Variants in GTF2H5 observed in about 807,000 individuals in gnomAD.
GTF2H5 encodes general transcription factor IIH subunit 5, also known as TFB5 ortholog.
In GTF2H5, 5 loss-of-function variants were observed where a neutral mutation model predicts 7.1. The observed-to-expected ratio is 0.71, with a 90% CI of 0.37 to 1.49. GTF2H5 has a LOEUF of 1.49. GTF2H5 is among the 40% of genes most tolerant of loss of function. The pLI is 0.03. For missense variants in GTF2H5, 80 were observed against 83.0 expected (o/e 0.96, Z 0.14); for synonymous variants, 30 against 31.7 (o/e 0.95, Z 0.18).
In GTF2H5 at chr6:158,192,212, C is replaced by G; in HGVS notation, c.*55C>G. 2 of 1,354,506 alleles carry G rather than the reference C, an allele frequency of 1.5e-6. No individual in the cohort carries two copies. Among genetic ancestry groups the G allele is most frequent in the Non-Finnish European group, 2.1e-6 (2 of 947,832 alleles). The allele number at this position is 1,354,506 out of a possible 1,614,324, so 83.9% of individuals were successfully genotyped here. A position where few individuals can be genotyped will look rare whatever the true frequency, so the allele number is the denominator to read the frequency against. ...ATAAGCAGCAACTGTGAAAGACTTG[C>G]CACTCAATATCTTAGGTGACTGATT... On this transcript the variant is annotated 3_prime_UTR_variant, in exon 3 of 3. Coordinates refer to ENST00000607778, the MANE Select transcript of GTF2H5 (RefSeq NM_207118.3).
At chr6:158,168,735 G>A (rs1393214505) in intron 1 of GTF2H5, among the ~76,000 whole-genome samples, 16 of 152,260 alleles carry the variant, frequency 1.1e-4, no homozygotes, top group Admixed American at 7.2e-4. Context: ...TGGAGATCTG[G>A]CTTGTACTTT....
intron 2 of GTF2H5, among the ~76,000 whole-genome samples, chr6:158,187,799 C>T (rs541142811): frequency 1.3e-5 from 2 of 152,204 alleles, no homozygotes; most frequent in South Asian, 2.1e-4. Context: ...ATTTCCTGAC[C>T]TCGTGATCCG....
At chr6:158,183,223 A>G (rs1786033522) in intron 2 of GTF2H5, among the ~76,000 whole-genome samples, 1 of 152,060 alleles carries the variant, frequency 6.6e-6, no homozygotes, top group Admixed American at 6.6e-5. Flanking sequence ...CAGAACAGTA[A>G]ATATTGCTGC....
chr6:158,180,713 T>A (rs1306947105), intron 2 of GTF2H5, among the ~76,000 whole-genome samples: 1 of 152,202 alleles, frequency 6.6e-6, no homozygotes, highest in Non-Finnish European at 1.5e-5. Context: ...CGGGTTGATA[T>A]CCCCTTTATC....
intron 2 of GTF2H5, among the ~76,000 whole-genome samples, chr6:158,177,504 C>G (rs1028722986): frequency 1.3e-5 from 2 of 152,162 alleles, no homozygotes; most frequent in African/African-American, 4.8e-5. Context: ...GAATTGACAT[C>G]AGGGATAAGG....
Position 158,192,322 on chromosome 6 carries a change from G to T in GTF2H5, c.*165G>T. The T allele has an allele frequency of 5.2e-6, 3 of 575,870 alleles. No homozygotes were observed. The highest frequency in any genetic ancestry group is 3.1e-5 in the Admixed American group (1 of 31,912). 35.7% of individuals were successfully genotyped at this position (575,870 alleles called of 1,614,324 possible). A position where few individuals can be genotyped will look rare whatever the true frequency, so the allele number is the denominator to read the frequency against. On this transcript the variant is annotated 3_prime_UTR_variant, in exon 3 of 3. Coordinates refer to ENST00000607778, the MANE Select transcript of GTF2H5 (RefSeq NM_207118.3). ...TGTTCAGAAAAAAAGCCCCTGAACTGATTTTGTTACCATAGAATTTAAAAA... is the reference window on the plus strand; with the variant it reads ...TGTTCAGAAAAAAAGCCCCTGAACTTATTTTGTTACCATAGAATTTAAAAA...
At chr6:158,190,071 T>C (rs1345599543) in intron 2 of GTF2H5, among the ~76,000 whole-genome samples, 1 of 142,710 alleles carries the variant, frequency 7.0e-6, no homozygotes, top group Non-Finnish European at 1.5e-5. Context: ...AAACTAAACC[T>C]TTTTTTTTTT....
rs1413807186 is a variant in GTF2H5 at position 158,195,742 on chromosome 6, C to G, written c.*3585C>G. 2 of 152,154 alleles carry G rather than the reference C, an allele frequency of 1.3e-5. No individual in the cohort carries two copies. Among genetic ancestry groups the G allele is most frequent in the African/African-American group, 4.8e-5 (2 of 41,432 alleles). 9.4% of individuals were successfully genotyped at this position (152,154 alleles called of 1,614,324 possible). ...TAGCTGACAACTAGGAGTAAAAGCT[C>G]TGACAAAAAGCCTCTGCTGTAACTA... is the stretch of plus-strand genomic sequence containing the variant. On this transcript the variant is annotated 3_prime_UTR_variant, in exon 3 of 3. Transcript: ENST00000607778.
chr6:158,192,026 C>G lies in GTF2H5; in HGVS notation c.85C>G (p.Leu29Val). 1 of 1,613,962 alleles carries G rather than the reference C, an allele frequency of 6.2e-7. No homozygotes were observed. The change falls in exon 3 of 3, where the codon CTG becomes GTG. Residue 29 changes from leucine (L) to valine (V), a missense_variant. By Grantham distance (32) the Leu-to-Val change is conservative. Coordinates refer to ENST00000607778, the MANE Select transcript of GTF2H5 (RefSeq NM_207118.3). Reference protein sequence around the residue: ...FLLYLDESNALGKKFIIQDID... With the variant: ...FLLYLDESNAVGKKFIIQDID... ...GCTGTACTTGGATGAGTCCAATGCC[C>G]TGGGGAAGAAGTTCATCATTCAAGA... is the stretch of plus-strand genomic sequence containing the variant.
chr6:158,172,970 C>T (rs1785877741), intron 2 of GTF2H5, among the ~76,000 whole-genome samples: 1 of 152,172 alleles, frequency 6.6e-6, no homozygotes, highest in South Asian at 2.1e-4. Flanking sequence ...CCTGGTCTCT[C>T]TAATGACTGT....
At chr6:158,182,467 T>G (rs939610258) in intron 2 of GTF2H5, among the ~76,000 whole-genome samples, 1 of 152,180 alleles carries the variant, frequency 6.6e-6, no homozygotes, top group Non-Finnish European at 1.5e-5. Context: ...TCCTGAAGAG[T>G]GTTTTCCAAC....
chr6:158,188,506 G>A (rs1245554288), intron 2 of GTF2H5, among the ~76,000 whole-genome samples: 1 of 152,162 alleles, frequency 6.6e-6, no homozygotes, highest in Admixed American at 6.5e-5. Context: ...GTTCCTTCTA[G>A]AATTGCTCTT....
Position 158,194,449 on chromosome 6 carries a change from A to T in GTF2H5, c.*2292A>T, listed in dbSNP as rs1335161960. On this transcript the variant is annotated 3_prime_UTR_variant, in exon 3 of 3. Transcript: ENST00000607778. ...AAACATGCAAAAAATTAAAAAGACA[A>T]ATGGTTACAGAGAAACAAACAGTTC... 6.6e-6 allele frequency: 1 copy of T among 152,220 alleles called. No homozygotes were observed. Among genetic ancestry groups the T allele is most frequent in the African/African-American group, 2.4e-5 (1 of 41,446 alleles). 9.4% of individuals were successfully genotyped at this position (152,220 alleles called of 1,614,324 possible).
intron 2 of GTF2H5, among the ~76,000 whole-genome samples, chr6:158,186,279 T>C (rs1025141327): frequency 1.3e-5 from 2 of 152,228 alleles, no homozygotes; most frequent in African/African-American, 4.8e-5. Flanking sequence ...GGTTTAGCTC[T>C]GACTTCATTA....
Position 158,192,020 on chromosome 6 carries a change from A to G in GTF2H5, c.79A>G (p.Asn27Asp), listed in dbSNP as rs1777036764. 6.2e-7 allele frequency: 1 copy of G among 1,614,150 alleles called. No homozygotes were observed. The highest frequency in any genetic ancestry group is 1.1e-5 in the South Asian group (1 of 91,084). ...GTTTCTGCTGTACTTGGATGAGTCC[A>G]ATGCCCTGGGGAAGAAGTTCATCAT... The part of the protein sequence containing the change: ...KQFLLYLDES[N>D]ALGKKFIIQD... Residue 27 changes from asparagine (N) to aspartate (D), a missense_variant, in exon 3 of 3, where the codon AAT (asparagine) becomes GAT (aspartate). By Grantham distance (23) the Asn-to-Asp change is conservative. Coordinates refer to ENST00000607778, the MANE Select transcript of GTF2H5 (RefSeq NM_207118.3).
intron 2 of GTF2H5, among the ~76,000 whole-genome samples, chr6:158,175,433 T>C (rs1469930752): frequency 6.6e-6 from 1 of 152,218 alleles, no homozygotes; most frequent in African/African-American, 2.4e-5. Flanking sequence ...TGTGCTTTTA[T>C]ATCCTTTAAC....
At position 158,169,528 on chromosome 6, in the gene GTF2H5, C is replaced by T. The variant is rs867873359; in HGVS notation, c.-34-942C>T. 1.6e-3 allele frequency among the ~76,000 whole-genome samples: 77 copies of T among 49,194 alleles called. 4 individuals are homozygous for T. Among genetic ancestry groups the T allele is most frequent in the East Asian group, 3.4e-3 (3 of 894 alleles). The allele number at this position is 49,194 out of a possible 152,430, so 32.3% of individuals were successfully genotyped here. A position where few individuals can be genotyped will look rare whatever the true frequency, so the allele number is the denominator to read the frequency against. The stretch of plus-strand genomic sequence containing the variant: ...TATATTGTATATTATATATAATATA[C>T]AGTATATTATATATAATATACTGTA... On this transcript the variant is annotated intron_variant, in intron 1 of 2. Transcript: ENST00000607778.
At chr6:158,180,662 T>C (rs1039408057) in intron 2 of GTF2H5, among the ~76,000 whole-genome samples, 2 of 152,098 alleles carry the variant, frequency 1.3e-5, no homozygotes, top group African/African-American at 4.8e-5. Context: ...TGCATAGAGG[T>C]GTTTATAGTA....
At chr6:158,178,298 A>G (rs986422900) in intron 2 of GTF2H5, among the ~76,000 whole-genome samples, 1 of 152,080 alleles carries the variant, frequency 6.6e-6, no homozygotes. Flanking sequence ...CATCCTGTCT[A>G]ACACGGTGAA....
Sources: allele counts gnomAD v4.1 joint callset (sites outside exome capture counted in the v4.1 genomes callset), GRCh38; gene constraint gnomAD v4.1.1; transcripts MANE v1.5; gene names NCBI Gene and HGNC (gene_info 2026-07-23, HGNC 2026-07-21).